The following DMXL2 variants were observed in gnomAD, a reference collection of about 807,000 sequenced individuals.
DMXL2 encodes the protein dmX-like protein 2.
In DMXL2, 103 loss-of-function variants were observed where a neutral mutation model predicts 331.1. The observed-to-expected ratio is 0.31, with a 90% CI of 0.27 to 0.37. The LOEUF is 0.37. Ranked by LOEUF, DMXL2 falls within the 10% of genes least tolerant of loss-of-function variation. The pLI is 1.00. For missense variants in DMXL2, 3,171 were observed against 3,642.9 expected, an observed-to-expected ratio of 0.87 and a Z score of 3.33; for synonymous variants, 1,281 against 1,252.1, an observed-to-expected ratio of 1.02 and a Z score of -0.49.
chr15:51,500,198 C>T lies in DMXL2; in HGVS notation c.3026G>A (p.Cys1009Tyr). The T allele has an allele frequency of 1.2e-6, 2 of 1,609,838 alleles. No individual in the cohort carries two copies. The highest frequency in any genetic ancestry group is 1.7e-6 in the Non-Finnish European group (2 of 1,178,506). Residue 1009 changes from cysteine to tyrosine, a missense_variant, in exon 18 of 44, where the codon TGC becomes TAC. Cys to Tyr is a radical substitution (Grantham distance 194, BLOSUM62 -2). Coordinates refer to ENST00000560891, the MANE Select transcript of DMXL2 (RefSeq NM_001378457.1). The part of the protein sequence containing the change: ...HLSSSSIYPV[C>Y]LAPYLVVTTC... ...TGTAACCACTAAATAAGGTGCAAGG[C>T]ACACTGGATAAATTGAAGAAGAACT...
chr15:51,535,750 A>G lies in DMXL2; in HGVS notation c.2349T>C (p.Val783=). ...TYCNSASACF[V]ASDGKNLRLY... is the part of the protein sequence containing the mutation. The stretch of plus-strand genomic sequence containing the variant: ...GTCTCAGATTTTTGCCATCAGAAGC[A>G]ACAAAGCAAGCACTTGCAGAATTGC... The change falls in exon 13 of 44, where the codon GTT becomes GTC. Residue 783 remains valine (V), a synonymous_variant. Coordinates refer to ENST00000560891, the MANE Select transcript of DMXL2 (RefSeq NM_001378457.1). 6.2e-7 allele frequency: 1 copy of G among 1,610,696 alleles called. No homozygotes were observed. The highest frequency in any genetic ancestry group is 1.1e-5 in the South Asian group (1 of 90,518).
intron 40 of DMXL2, 45 bp downstream of exon 40, chr15:51,455,106 A>G (rs1466879853): frequency 1.4e-6 from 2 of 1,420,696 alleles, no homozygotes; most frequent in Admixed American, 1.7e-5. Context: ...CTTCATGAAC[A>G]AAGTGTTGTG....
chr15:51,550,288 ATCT>A (rs1447476242), intron 6 of DMXL2, among the ~76,000 whole-genome samples: 3 of 152,214 alleles, frequency 2.0e-5, no homozygotes, highest in East Asian at 3.9e-4. Flanking sequence ...CCCTCAAGAA[ATCT>A]TCTCATCCTA....
chr15:51,563,131 T>C (rs1259744357), intron 6 of DMXL2, among the ~76,000 whole-genome samples: 1 of 152,096 alleles, frequency 6.6e-6, no homozygotes, highest in African/African-American at 2.4e-5. Context: ...AACACAAAAC[T>C]TAGTTTTTAA....
At position 51,476,737 on chromosome 15, in the gene DMXL2, A is replaced by G. The variant is rs1192081423; in HGVS notation, c.6834-18T>C. 6.3e-7 allele frequency: 1 copy of G among 1,583,354 alleles called. No individual in the cohort carries two copies. Among genetic ancestry groups the G allele is most frequent in the African/African-American group, 1.4e-5 (1 of 73,078 alleles). ...TTTGACTGCTAAAACAAATAGGTTC[A>G]GTTATTTATCATCCTGAGAGGTAAT... On this transcript the variant is annotated intron_variant, in intron 26 of 43. Coordinates refer to ENST00000560891, the MANE Select transcript of DMXL2 (RefSeq NM_001378457.1).
intron 22 of DMXL2, 83 bp from the exon 23 acceptor site, chr15:51,486,420 A>G: frequency 4.7e-6 from 5 of 1,069,256 alleles, no homozygotes; most frequent in Non-Finnish European, 6.8e-6. Flanking sequence ...CCCTGAAATT[A>G]TCTACCATTT....
At chr15:51,548,523 C>T (rs1302997698) in intron 6 of DMXL2, among the ~76,000 whole-genome samples, 1 of 152,070 alleles carries the variant, frequency 6.6e-6, no homozygotes, top group East Asian at 1.9e-4. Flanking sequence ...ATCATTTTCA[C>T]ATAATCAAAT....
Position 51,499,020 on chromosome 15 carries a change from T to C in DMXL2, c.4204A>G (p.Ser1402Gly), listed in dbSNP as rs769871256. 6.2e-7 allele frequency: 1 copy of C among 1,614,004 alleles called. No homozygotes were observed. Among genetic ancestry groups the C allele is most frequent in the Non-Finnish European group, 8.5e-7 (1 of 1,180,026 alleles). Residue 1402 changes from serine to glycine, a missense_variant, in exon 18 of 44, where the codon AGT becomes GGT. This residue lies in a region of DMXL2 where 1,674 missense variants were observed against 1,780.2 expected (regional missense o/e 0.94). Transcript: ENST00000560891. ...KRHLSRTISV[S>G]GSTAKETVTV... Reference sequence around the variant, plus strand: ...ACTGTTTCCTTTGCTGTACTGCCACTTACACTAATAGTTCGAGAGAGATGT... The same window carrying C: ...ACTGTTTCCTTTGCTGTACTGCCACCTACACTAATAGTTCGAGAGAGATGT...
intron 37 of DMXL2, 69 bp downstream of exon 37, chr15:51,457,259 G>A (rs751641253): frequency 2.6e-6 from 4 of 1,518,884 alleles, no homozygotes; most frequent in East Asian, 2.3e-5. Context: ...TCATTCCTAT[G>A]TCAAAGAGAT....
At chr15:51,512,743 G>A (rs1034862747) in intron 15 of DMXL2, among the ~76,000 whole-genome samples, 4 of 151,768 alleles carry the variant, frequency 2.6e-5, no homozygotes, top group Admixed American at 1.3e-4. Flanking sequence ...TTGAACCTGG[G>A]AGGTGGAGGT....
intron 13 of DMXL2, among the ~76,000 whole-genome samples, chr15:51,520,895 G>A (rs2047321993): frequency 2.0e-5 from 3 of 152,016 alleles, no homozygotes; most frequent in South Asian, 2.1e-4. Context: ...TACATAAATG[G>A]GAGTAAAAAC....
rs2040303962 is a variant in DMXL2, at chr15:51,463,515, A to G, written c.7809-19T>C. 7.3e-7 allele frequency: 1 copy of G among 1,361,848 alleles called. No homozygotes were observed. The highest frequency in any genetic ancestry group is 1.0e-6 in the Non-Finnish European group (1 of 979,488). 84.4% of individuals were successfully genotyped at this position (1,361,848 alleles called of 1,614,324 possible). Reference sequence around the variant, plus strand: ...CCGGGACCTATTAAAAAAAATTAACATATCACACTACTTTAGTCTATAGAA... The same window carrying G: ...CCGGGACCTATTAAAAAAAATTAACGTATCACACTACTTTAGTCTATAGAA... On this transcript the variant is annotated intron_variant, in intron 32 of 43. Transcript: ENST00000560891.
chr15:51,528,139 A>T (rs894436141), intron 13 of DMXL2, among the ~76,000 whole-genome samples: 4 of 151,660 alleles, frequency 2.6e-5, no homozygotes, highest in African/African-American at 9.7e-5. Context: ...GCAAAAGTCA[A>T]CTTCACTAAA....
Position 51,502,306 on chromosome 15 carries a change from T to TTGTGTGTGTGTGTGTGTGTGTGTG in DMXL2, c.2992+476_2992+499dup, listed in dbSNP as rs769283309. Among the ~76,000 whole-genome samples, 188 of 140,616 alleles carry TTGTGTGTGTGTGTGTGTGTGTGTG rather than the reference T, an allele frequency of 1.3e-3. 2 individuals carry two copies. The highest frequency in any genetic ancestry group is 4.7e-3 in the East Asian group (22 of 4,728). 92.2% of individuals were successfully genotyped at this position (140,616 alleles called of 152,430 possible). On this transcript the variant is annotated intron_variant, in intron 17 of 43. Coordinates refer to ENST00000560891, the MANE Select transcript of DMXL2 (RefSeq NM_001378457.1). Reference sequence around the variant, plus strand: ...ATTTATCACAGGAAATTTTGTGGGTTTGTGTGTGTGTGTGTGTGTGTGTGT... The same window carrying TTGTGTGTGTGTGTGTGTGTGTGTG: ...ATTTATCACAGGAAATTTTGTGGGTTTGTGTGTGTGTGTGTGTGTGTGTGTGTGTGTGTGTGTGTGTGTGTGTGT...
chr15:51,526,440 A>G (rs1436482177), intron 13 of DMXL2, among the ~76,000 whole-genome samples: 1 of 152,224 alleles, frequency 6.6e-6, no homozygotes, highest in African/African-American at 2.4e-5. Flanking sequence ...GATACAAGTA[A>G]GCTCAGACTG....
Position 51,448,788 on chromosome 15 carries a change from T to A in DMXL2, c.*196A>T, listed in dbSNP as rs1405295719. The A allele has an allele frequency of 1.2e-5, 7 of 605,292 alleles. No homozygotes were observed. Among genetic ancestry groups the A allele is most frequent in the Non-Finnish European group, 2.0e-5 (7 of 346,590 alleles). 37.5% of individuals were successfully genotyped at this position (605,292 alleles called of 1,614,324 possible). ...TCATACAATACTAGGTTTTATTTTT[T>A]TTAGTATGTCAGCATAATAAGGTAC... On this transcript the variant is annotated 3_prime_UTR_variant, in exon 44 of 44. Transcript: ENST00000560891.
chr15:51,530,030 G>A (rs573367791), intron 13 of DMXL2, among the ~76,000 whole-genome samples: 2 of 152,150 alleles, frequency 1.3e-5, no homozygotes, highest in Admixed American at 1.3e-4. Context: ...ATCAATTAAT[G>A]CTAAAAAAGC....
chr15:51,585,386 T>A (rs1430964917), intron 1 of DMXL2, among the ~76,000 whole-genome samples: 1 of 151,932 alleles, frequency 6.6e-6, no homozygotes, highest in South Asian at 2.1e-4. Context: ...ATTGAGATAA[T>A]CATGTGGTTT....
rs1435577917 is a variant in DMXL2 at position 51,605,764 on chromosome 15, C to T, written c.87+16695G>A. On this transcript the variant is annotated intron_variant, in intron 1 of 43. Coordinates refer to ENST00000560891, the MANE Select transcript of DMXL2 (RefSeq NM_001378457.1). ...TTCACCTTGTTAGCCAGGATGGTCT[C>T]GATCTCCTGACCTCATGATCCACCC... is the stretch of plus-strand genomic sequence containing the variant. 2.3e-4 allele frequency among the ~76,000 whole-genome samples: 11 copies of T among 46,834 alleles called. 4 individuals are homozygous for T. Among genetic ancestry groups the T allele is most frequent in the African/African-American group, 6.9e-4 (11 of 16,018 alleles). The allele number at this position is 46,834 out of a possible 152,430, so 30.7% of individuals were successfully genotyped here. A position where few individuals can be genotyped will look rare whatever the true frequency, so the allele number is the denominator to read the frequency against.
Sources: gnomAD v4.1 joint callset for allele counts (sites outside exome capture counted in the v4.1 genomes callset) on GRCh38, gnomAD v4.1.1 for gene constraint, gnomAD v4.1.1 regional missense constraint, MANE v1.5 for transcripts, NCBI Gene and HGNC (gene_info 2026-07-23, HGNC 2026-07-21) for gene names.